The following TMEM132D variants were observed in gnomAD, a reference collection of about 807,000 sequenced individuals.
TMEM132D encodes the protein transmembrane protein 132D.
TMEM132D carries 21 observed loss-of-function variants against 62.3 expected under a neutral mutation model. The observed-to-expected ratio is 0.34, with a 90% CI of 0.24 to 0.49. TMEM132D has a LOEUF of 0.49. Ranked by LOEUF, TMEM132D falls within the 20% of genes least tolerant of loss-of-function variation. The probability of loss-of-function intolerance (pLI) is 0.99; values close to 1 mark genes in which losing one functional copy is unlikely to be tolerated. For missense variants in TMEM132D, 1,346 were observed against 1,402.8 expected (o/e 0.96, Z 0.65); for synonymous variants, 621 against 575.6 (o/e 1.08, Z -1.13).
chr12:129,467,464 C>T (rs1593024039), intron 3 of TMEM132D, among the ~76,000 whole-genome samples: 2 of 152,274 alleles, frequency 1.3e-5, no homozygotes, highest in South Asian at 2.1e-4. Flanking sequence ...GCTTGAGTCA[C>T]ATGACCATCC....
chr12:129,220,486 G>T (rs1394628475), intron 4 of TMEM132D, among the ~76,000 whole-genome samples: 5 of 152,184 alleles, frequency 3.3e-5, no homozygotes, highest in Admixed American at 3.3e-4. Context: ...GTGGGGATGA[G>T]ATTTACACAG....
chr12:129,481,112 A>G (rs1472895585), intron 3 of TMEM132D, among the ~76,000 whole-genome samples: 3 of 152,168 alleles, frequency 2.0e-5, no homozygotes, highest in East Asian at 3.8e-4. Flanking sequence ...GGTGCCTCTC[A>G]AGTCCAGAAT....
chr12:129,190,901 G>A lies in TMEM132D; in HGVS notation c.1443+18619C>T, dbSNP rs1878378630. On this transcript the variant is annotated intron_variant, in intron 5 of 8. Transcript: ENST00000422113. ...AGCCCAGAGCTCTTGCTGTCCTGCC[G>A]GTGAGACCCCCTCAGACCTCAGGAC... 3.3e-5 allele frequency among the ~76,000 whole-genome samples: 5 copies of A among 152,194 alleles called. No individual in the cohort carries two copies. In the South Asian group the frequency reaches 1.0e-3, roughly 32 times the overall value.
chr12:129,902,420 C>T (rs1173435725), intron 1 of TMEM132D, among the ~76,000 whole-genome samples: 2 of 152,192 alleles, frequency 1.3e-5, no homozygotes, highest in Non-Finnish European at 2.9e-5. Flanking sequence ...CCAGGTCAAT[C>T]ATGAGAAAGA....
At chr12:129,210,610 T>A (rs897119427) in intron 4 of TMEM132D, among the ~76,000 whole-genome samples, 5 of 152,198 alleles carry the variant, frequency 3.3e-5, no homozygotes, top group Admixed American at 3.3e-4. Flanking sequence ...CACCTAACAG[T>A]TGCTGTTTTA....
chr12:129,477,657 A>T (rs879353197), intron 3 of TMEM132D, among the ~76,000 whole-genome samples: 75 of 152,048 alleles, frequency 4.9e-4, no homozygotes, highest in Non-Finnish European at 1.0e-3. Context: ...CGTCTCTACT[A>T]AAAATACAAA....
At chr12:129,719,100 G>GAAAGA (rs1555227260) in intron 1 of TMEM132D, among the ~76,000 whole-genome samples, 2 of 130,004 alleles carry the variant, frequency 1.5e-5, no homozygotes, top group East Asian at 2.3e-4. Flanking sequence ...AAAAAAAAAA[G>GAAAGA]AAAAAAAGCT....
At chr12:129,143,524 A>G (rs1876803697) in intron 5 of TMEM132D, among the ~76,000 whole-genome samples, 1 of 152,188 alleles carries the variant, frequency 6.6e-6, no homozygotes, top group South Asian at 2.1e-4. Flanking sequence ...ATAATCAAGT[A>G]GAGTCCTGCC....
chr12:129,143,904 C>G (rs1364993455), intron 5 of TMEM132D, among the ~76,000 whole-genome samples: 3 of 151,238 alleles, frequency 2.0e-5, no homozygotes, highest in African/African-American at 7.4e-5. Flanking sequence ...GTGAGCAGGT[C>G]TGCTAGAGGA....
intron 4 of TMEM132D, among the ~76,000 whole-genome samples, chr12:129,275,348 G>C (rs1880975384): frequency 6.6e-6 from 1 of 152,098 alleles, no homozygotes; most frequent in Non-Finnish European, 1.5e-5. Flanking sequence ...AGAGCACTAA[G>C]TTTATAACAG....
intron 1 of TMEM132D, among the ~76,000 whole-genome samples, chr12:129,843,707 T>A (rs114106916): frequency 0.012 from 1,865 of 152,100 alleles, 40 homozygotes; most frequent in African/African-American, 0.042. Context: ...TACCAGCTAC[T>A]CAAAAAACTA....
chr12:129,250,356 A>G (rs1880232946), intron 4 of TMEM132D, among the ~76,000 whole-genome samples: 1 of 152,218 alleles, frequency 6.6e-6, no homozygotes, highest in Non-Finnish European at 1.5e-5. Flanking sequence ...TTAAAGAGAA[A>G]GTTATCTATT....
At chr12:129,365,477 C>T (rs758921234) in intron 3 of TMEM132D, among the ~76,000 whole-genome samples, 2 of 152,098 alleles carry the variant, frequency 1.3e-5, no homozygotes, top group Non-Finnish European at 2.9e-5. Context: ...ATAATAAATG[C>T]CCGTCTTAGG....
At chr12:129,603,325 G>A (rs1020062255) in intron 2 of TMEM132D, among the ~76,000 whole-genome samples, 2 of 152,128 alleles carry the variant, frequency 1.3e-5, no homozygotes, top group African/African-American at 4.8e-5. Flanking sequence ...CCAATTCCTG[G>A]AAACCACTGA....
At chr12:129,191,574 T>C (rs1208305962) in intron 5 of TMEM132D, among the ~76,000 whole-genome samples, 3 of 151,602 alleles carry the variant, frequency 2.0e-5, no homozygotes. Flanking sequence ...ATCCTAGTTT[T>C]CTCCTCTGTA....
At chr12:129,793,612 C>T (rs141004782) in intron 1 of TMEM132D, among the ~76,000 whole-genome samples, 9 of 152,318 alleles carry the variant, frequency 5.9e-5, no homozygotes, top group African/African-American at 9.6e-5. Flanking sequence ...GTGATCCACC[C>T]GCCTTGGCCT....
chr12:129,244,259 G>A (rs950782250), intron 4 of TMEM132D, among the ~76,000 whole-genome samples: 7 of 151,496 alleles, frequency 4.6e-5, no homozygotes, highest in South Asian at 4.2e-4. Context: ...GGTGGCGGGC[G>A]CCTGTAGTCC....
At chr12:129,707,175 C>A (rs1006578159) in intron 1 of TMEM132D, among the ~76,000 whole-genome samples, 1 of 147,232 alleles carries the variant, frequency 6.8e-6, no homozygotes, top group African/African-American at 2.5e-5. Context: ...ATAATATATA[C>A]TATATCTATA....
chr12:129,301,232 T>G (rs1881705805), intron 4 of TMEM132D, among the ~76,000 whole-genome samples: 2 of 152,212 alleles, frequency 1.3e-5, no homozygotes, highest in South Asian at 4.1e-4. Flanking sequence ...CCTGTTTATT[T>G]AAGCTTCTTG....
Sources: gnomAD v4.1 joint callset for allele counts (sites outside exome capture counted in the v4.1 genomes callset) on GRCh38, gnomAD v4.1.1 for gene constraint, MANE v1.5 for transcripts, NCBI Gene and HGNC (gene_info 2026-07-23, HGNC 2026-07-21) for gene names.